The following DMBT1 variants were observed in gnomAD, a reference collection of about 807,000 sequenced individuals.
DMBT1 encodes deleted in malignant brain tumors 1.
Under a neutral mutation model 252.9 loss-of-function variants are expected in DMBT1, and 198 were observed. The ratio of observed to expected loss-of-function variants is 0.78; its 90% CI spans 0.70 to 0.88. DMBT1 has a LOEUF of 0.88. Ranked by LOEUF, DMBT1 falls within the 40% of genes least tolerant of loss-of-function variation. The pLI, the probability that DMBT1 is intolerant of heterozygous loss-of-function variation, is 0.00. For synonymous variants in DMBT1, 990 were observed against 942.7 expected, an observed-to-expected ratio of 1.05 and a Z score of -0.92; for missense variants, 2,432 against 2,404.7, an observed-to-expected ratio of 1.01 and a Z score of -0.24.
At position 122,592,703 on chromosome 10, in the gene DMBT1, A is replaced by G. The variant is rs1439401982; in HGVS notation, c.2500+108A>G. ...ACTCAAAGATTCTTCTATGTTTCCT[A>G]TATTTATGTAGTCTTGTTAGCTCTC... is the stretch of plus-strand genomic sequence containing the variant. On this transcript the variant is annotated intron_variant, in intron 20 of 55. Coordinates refer to ENST00000338354, the MANE Select transcript of DMBT1 (RefSeq NM_001377530.1). 9 of 1,518,900 alleles carry G rather than the reference A, an allele frequency of 5.9e-6. 2 individuals are homozygous for G. The highest frequency in any genetic ancestry group is 3.9e-5 in the South Asian group (3 of 76,088). 94.1% of individuals were successfully genotyped at this position (1,518,900 alleles called of 1,614,324 possible). A position where few individuals can be genotyped will look rare whatever the true frequency, so the allele number is the denominator to read the frequency against.
chr10:122,639,011 C>T (rs754675053), intron 54 of DMBT1, among the ~76,000 whole-genome samples: 43 of 152,234 alleles, frequency 2.8e-4, no homozygotes, highest in Non-Finnish European at 4.8e-4. Context: ...ACCATATGGC[C>T]ATGAGCTGCG....
chr10:122,598,575 C>T (rs957506552), intron 25 of DMBT1, among the ~76,000 whole-genome samples, 199 bp from the exon 26 acceptor site: 2 of 152,140 alleles, frequency 1.3e-5, no homozygotes, highest in South Asian at 2.1e-4. Context: ...AAAACTTGAG[C>T]CTTCATAAAC....
At chr10:122,567,837 G>A (rs2097612998) in intron 2 of DMBT1, among the ~76,000 whole-genome samples, 1 of 152,218 alleles carries the variant, frequency 6.6e-6, no homozygotes, top group African/African-American at 2.4e-5. Flanking sequence ...TCTTGGACTT[G>A]ATCCTGATGG....
rs745331710 is a variant in DMBT1 at position 122,625,971 on chromosome 10, T to C, written c.5668+6T>C. ...AACAACTACAACCACTGCAAGTAGGTATCACATTTTCTACCTGAACCATAG... is the reference window on the plus strand; with the variant it reads ...AACAACTACAACCACTGCAAGTAGGCATCACATTTTCTACCTGAACCATAG... On this transcript the variant is annotated splice_donor_region_variant and intron_variant, in intron 46 of 55. Transcript: ENST00000338354. The C allele has an allele frequency of 5.6e-6, 9 of 1,609,528 alleles. No homozygotes were observed. In the South Asian group the frequency reaches 9.9e-5, roughly 18 times the overall value.
At chr10:122,593,247 G>A (rs1176517566) in intron 20 of DMBT1, among the ~76,000 whole-genome samples, 2 of 148,680 alleles carry the variant, frequency 1.3e-5, no homozygotes, top group African/African-American at 2.4e-5. Flanking sequence ...ATCACACAAG[G>A]GATTTTGGCT....
chr10:122,626,530 T>G (rs539218825), intron 46 of DMBT1, among the ~76,000 whole-genome samples: 1 of 152,354 alleles, frequency 6.6e-6, no homozygotes, highest in East Asian at 1.9e-4. Context: ...AGGATATAAA[T>G]GGGTTTACTG....
At chr10:122,626,037 G>A (rs937877587) in intron 46 of DMBT1, 72 bp downstream of exon 46, 21 of 1,307,532 alleles carry the variant, frequency 1.6e-5, no homozygotes, top group African/African-American at 8.7e-5. Flanking sequence ...ATCCATGAGC[G>A]AATGCTCTGC....
At chr10:122,599,443 G>A (rs899203840) in intron 26 of DMBT1, among the ~76,000 whole-genome samples, 1 of 152,210 alleles carries the variant, frequency 6.6e-6, no homozygotes, top group Non-Finnish European at 1.5e-5. Flanking sequence ...GCAAGGCGGG[G>A]TAGGGATCCT....
rs2981804 is a variant in DMBT1, at chr10:122,574,140, G to A, written c.283+378G>A. 0.48 allele frequency among the ~76,000 whole-genome samples: 73,136 copies of A among 152,044 alleles called. 18,491 individuals carry two copies. The highest frequency in any genetic ancestry group is 0.61 in the Admixed American group (9,272 of 15,282). On this transcript the variant is annotated intron_variant, in intron 6 of 55. Coordinates refer to ENST00000338354, the MANE Select transcript of DMBT1 (RefSeq NM_001377530.1). ...GGTCAGGTGCCTACCTGCTAACGTA[G>A]CCAAATTGCTAGGACAGCATCCTTG...
At chr10:122,638,010 G>A (rs188149753) in intron 54 of DMBT1, among the ~76,000 whole-genome samples, 1 of 152,304 alleles carries the variant, frequency 6.6e-6, no homozygotes, top group Admixed American at 6.5e-5. Context: ...GATTTCTGTG[G>A]TTTGCCTGGG....
At chr10:122,572,284 C>G in intron 4 of DMBT1, 30 bp from the exon 5 acceptor site, 1 of 1,612,798 alleles carries the variant, frequency 6.2e-7, no homozygotes. Context: ...GGGCTACCAT[C>G]AATGAGCTCT....
intron 2 of DMBT1, among the ~76,000 whole-genome samples, chr10:122,568,349 A>C (rs758203125): frequency 2.6e-5 from 4 of 152,148 alleles, no homozygotes; most frequent in Non-Finnish European, 4.4e-5. Context: ...AGTCAGAACC[A>C]GAGAGGTGGA....
chr10:122,598,717 C>T (rs1487611184), intron 25 of DMBT1, 57 bp from the exon 26 acceptor site: 11 of 1,611,026 alleles, frequency 6.8e-6, no homozygotes, highest in African/African-American at 1.3e-5. Context: ...TGGAACATTC[C>T]TTAGATTCCT....
intron 41 of DMBT1, among the ~76,000 whole-genome samples, chr10:122,618,863 C>T (rs191168571): frequency 9.2e-5 from 14 of 152,370 alleles, no homozygotes; most frequent in Admixed American, 7.2e-4. Flanking sequence ...CTCAGGTCCT[C>T]TAAGAATGCT....
intron 1 of DMBT1, among the ~76,000 whole-genome samples, chr10:122,564,679 A>G (rs911675820): frequency 1.3e-5 from 2 of 152,096 alleles, no homozygotes; most frequent in Non-Finnish European, 2.9e-5. Context: ...TTGTTGCAAA[A>G]TATCATGTGA....
Position 122,643,505 on chromosome 10 carries a change from G to A in DMBT1, c.*107G>A, listed in dbSNP as rs371823281. 8.4e-5 allele frequency: 119 copies of A among 1,416,742 alleles called. No homozygotes were observed. The highest frequency in any genetic ancestry group is 1.7e-4 in the South Asian group (12 of 72,152). 87.8% of individuals were successfully genotyped at this position (1,416,742 alleles called of 1,614,324 possible). A position where few individuals can be genotyped will look rare whatever the true frequency, so the allele number is the denominator to read the frequency against. Reference sequence around the variant, plus strand: ...TCCAACTCAGATTGAGCCCTACATTGTGCTGCACCTGGTCATACGGAGTTG... The same window carrying A: ...TCCAACTCAGATTGAGCCCTACATTATGCTGCACCTGGTCATACGGAGTTG... On this transcript the variant is annotated 3_prime_UTR_variant, in exon 56 of 56. Transcript: ENST00000338354.
At chr10:122,623,429 G>C (rs918294580) in intron 44 of DMBT1, among the ~76,000 whole-genome samples, 1 of 152,088 alleles carries the variant, frequency 6.6e-6, no homozygotes, top group East Asian at 1.9e-4. Context: ...CCTAGGAGTG[G>C]GATTGCTCGG....
chr10:122,578,690 T>C, intron 8 of DMBT1, 28 bp from the exon 9 acceptor site: 3 of 1,593,380 alleles, frequency 1.9e-6, no homozygotes, highest in Non-Finnish European at 2.6e-6. Context: ...AGTCCAATTG[T>C]ATCCTTTCTC....
rs2097781409 is a variant in DMBT1 at position 122,585,452 on chromosome 10, C to T, written c.1459+143C>T. The T allele has an allele frequency of 8.8e-6, 10 of 1,140,916 alleles. 2 individuals carry two copies. Among genetic ancestry groups the T allele is most frequent in the Non-Finnish European group, 8.8e-6 (7 of 796,082 alleles). 70.7% of individuals were successfully genotyped at this position (1,140,916 alleles called of 1,614,324 possible). ...GTTGCATGGGAGGAAGGTAGAGTCTCTGGGGACCCAGCTGTGGGTCTGATG... is the reference window on the plus strand; with the variant it reads ...GTTGCATGGGAGGAAGGTAGAGTCTTTGGGGACCCAGCTGTGGGTCTGATG... On this transcript the variant is annotated intron_variant, in intron 15 of 55. Coordinates refer to ENST00000338354, the MANE Select transcript of DMBT1 (RefSeq NM_001377530.1).
Sources: gnomAD v4.1 joint callset for allele counts (sites outside exome capture counted in the v4.1 genomes callset) on GRCh38, gnomAD v4.1.1 for gene constraint, MANE v1.5 for transcripts, NCBI Gene and HGNC (gene_info 2026-07-23, HGNC 2026-07-21) for gene names.